The following C2orf76 variants were observed in gnomAD, a reference collection of about 807,000 sequenced individuals.
C2orf76 encodes UPF0538 protein C2orf76.
A neutral mutation model predicts 16.9 loss-of-function variants in C2orf76; 23 were observed. The ratio of observed to expected loss-of-function variants is 1.36; its 90% CI spans 0.98 to 1.93. The LOEUF is 1.93. C2orf76 is among the 30% of genes most tolerant of loss of function. C2orf76 has a pLI of 0.00. For missense variants in C2orf76, 152 were observed against 152.6 expected, an observed-to-expected ratio of 1.00 and a Z score of 0.02; for synonymous variants, 48 against 52.3, an observed-to-expected ratio of 0.92 and a Z score of 0.35.
intron 2 of C2orf76, among the ~76,000 whole-genome samples, chr2:119,324,010 T>C (rs1443865917): frequency 6.6e-6 from 1 of 152,246 alleles, no homozygotes; most frequent in East Asian, 1.9e-4. Context: ...CATTTTATTC[T>C]TCTTGTGTCT....
At chr2:119,366,140 C>T (rs1390709502) in intron 1 of C2orf76, among the ~76,000 whole-genome samples, 2 of 152,114 alleles carry the variant, frequency 1.3e-5, no homozygotes, top group Non-Finnish European at 2.9e-5. Flanking sequence ...CTATATTTAA[C>T]TTATTGTATA....
chr2:119,343,769 G>C (rs1295935327), intron 1 of C2orf76, among the ~76,000 whole-genome samples: 1 of 152,088 alleles, frequency 6.6e-6, no homozygotes, highest in Non-Finnish European at 1.5e-5. Flanking sequence ...AACAGAGTGA[G>C]ACTCCATCTC....
chr2:119,319,250 T>C (rs1679271724), intron 3 of C2orf76, among the ~76,000 whole-genome samples: 2 of 152,296 alleles, frequency 1.3e-5, no homozygotes, highest in East Asian at 1.9e-4. Flanking sequence ...GGCTACATAT[T>C]TTAGCAGAAA....
intron 1 of C2orf76, among the ~76,000 whole-genome samples, chr2:119,341,937 C>T (rs1054035946): frequency 9.9e-5 from 15 of 152,246 alleles, no homozygotes; most frequent in African/African-American, 3.6e-4. Flanking sequence ...CTTTTGGAGA[C>T]AATAAGGCGA....
chr2:119,357,592 C>CA (rs1680610281), intron 1 of C2orf76, among the ~76,000 whole-genome samples: 1 of 120,722 alleles, frequency 8.3e-6, no homozygotes. Flanking sequence ...CTACAAAAAA[C>CA]AAACCAAAAA....
chr2:119,286,224 CAAAAAAAAAAAA>C, the C2orf76 span, among the ~76,000 whole-genome samples: 10 of 60,366 alleles, frequency 1.7e-4, 1 homozygote, highest in Admixed American at 1.3e-3. Context: ...GACTCCATCT[CAAAAAAAAAAAA>C]AAAAAAAAAA....
At chr2:119,328,922 T>C (rs1679590356) in intron 2 of C2orf76, among the ~76,000 whole-genome samples, 1 of 152,224 alleles carries the variant, frequency 6.6e-6, no homozygotes, top group South Asian at 2.1e-4. Context: ...TGATTTCTAA[T>C]CTAATTCCAT....
At chr2:119,318,532 ATTT>A in intron 3 of C2orf76, among the ~76,000 whole-genome samples, 1 of 144,344 alleles carries the variant, frequency 6.9e-6, no homozygotes, top group Admixed American at 7.0e-5. Flanking sequence ...ATCTATTGCA[ATTT>A]TTTTTTTTTT....
intron 1 of C2orf76, among the ~76,000 whole-genome samples, chr2:119,357,623 C>A (rs1680612179): frequency 1.3e-5 from 2 of 148,398 alleles, no homozygotes; most frequent in Admixed American, 1.3e-4. Context: ...CTAGAGCTAA[C>A]GTTAGACTTC....
At chr2:119,312,884 C>T (rs537564419) in intron 4 of C2orf76, among the ~76,000 whole-genome samples, 3 of 152,066 alleles carry the variant, frequency 2.0e-5, no homozygotes, top group Non-Finnish European at 2.9e-5. Context: ...AAAAATTAGC[C>T]GGGAGCGGTG....
the C2orf76 span, among the ~76,000 whole-genome samples, chr2:119,282,051 C>A: frequency 6.6e-6 from 1 of 151,874 alleles, no homozygotes; most frequent in Admixed American, 6.6e-5. Flanking sequence ...GAGGCTGAGG[C>A]AGGAGAATCA....
the C2orf76 span, among the ~76,000 whole-genome samples, chr2:119,283,552 G>A: frequency 6.6e-6 from 1 of 152,258 alleles, no homozygotes; most frequent in Non-Finnish European, 1.5e-5. Flanking sequence ...TTGGCTCACT[G>A]CAGCCTCTGC....
At chr2:119,343,509 C>T (rs6727961) in intron 1 of C2orf76, among the ~76,000 whole-genome samples, 84,622 of 151,024 alleles carry the variant, frequency 0.56, 24,040 homozygotes, top group African/African-American at 0.61. Context: ...CACACACACA[C>T]ACACACTGGG....
Position 119,302,279 on chromosome 2 carries a change from A to G in C2orf76, c.*193T>C. 1 of 384,414 alleles carries G rather than the reference A, an allele frequency of 2.6e-6. No homozygotes were observed. Among genetic ancestry groups the G allele is most frequent in the African/African-American group, 2.1e-5 (1 of 47,060 alleles). The allele number at this position is 384,414 out of a possible 1,614,324, so 23.8% of individuals were successfully genotyped here. On this transcript the variant is annotated 3_prime_UTR_variant, in exon 6 of 6. Transcript: ENST00000334816. ...AAAAAGATCAAATGTTTTTCTCATA[A>G]TATATTATTTTACAACAACAAAGAA...
At chr2:119,305,710 G>T (rs539601853) in intron 5 of C2orf76, among the ~76,000 whole-genome samples, 2 of 152,134 alleles carry the variant, frequency 1.3e-5, no homozygotes, top group South Asian at 4.1e-4. Flanking sequence ...CCTCTCTCCC[G>T]CTCTAGGAGT....
At chr2:119,312,964 C>G (rs1455901305) in intron 4 of C2orf76, among the ~76,000 whole-genome samples, 1 of 150,748 alleles carries the variant, frequency 6.6e-6, no homozygotes, top group Admixed American at 6.6e-5. Flanking sequence ...GGAGGCAGAG[C>G]TTACAGTGAG....
At chr2:119,306,071 G>C (rs2104534802) in intron 5 of C2orf76, among the ~76,000 whole-genome samples, 1 of 152,282 alleles carries the variant, frequency 6.6e-6, no homozygotes, top group African/African-American at 2.4e-5. Context: ...CCTGCTTCTG[G>C]AATCCCCCAG....
At chr2:119,314,417 GTTT>G (rs1175286256) in intron 4 of C2orf76, among the ~76,000 whole-genome samples, 1 of 151,962 alleles carries the variant, frequency 6.6e-6, no homozygotes, top group African/African-American at 2.4e-5. Context: ...CAACTTAGCT[GTTT>G]TTTAGATGTT....
downstream of C2orf76, among the ~76,000 whole-genome samples, chr2:119,297,936 T>C (rs1211665988): frequency 6.6e-6 from 1 of 152,212 alleles, no homozygotes; most frequent in Non-Finnish European, 1.5e-5. Context: ...GGATTTTTTC[T>C]GCTTCTTTTG....
Sources: allele counts gnomAD v4.1 joint callset (sites outside exome capture counted in the v4.1 genomes callset), GRCh38; gene constraint gnomAD v4.1.1; transcripts MANE v1.5; gene names NCBI Gene and HGNC (gene_info 2026-07-23, HGNC 2026-07-21).